The following CDK19 variants were observed in gnomAD, a reference collection of about 807,000 sequenced individuals.
CDK19 encodes cyclin-dependent kinase 19.
CDK19 carries 20 observed loss-of-function variants against 68.3 expected under a neutral mutation model. That is an observed-to-expected ratio of 0.29 (90% confidence interval 0.21 to 0.43). The LOEUF is 0.43. Ranked by LOEUF, CDK19 falls within the 20% of genes least tolerant of loss-of-function variation. CDK19 has a pLI of 1.00. For synonymous variants in CDK19, 221 were observed against 222.8 expected, an observed-to-expected ratio of 0.99 and a Z score of 0.07; for missense variants, 339 against 623.5, an observed-to-expected ratio of 0.54 and a Z score of 4.86.
rs1582767948 is a variant in CDK19 at position 110,646,626 on chromosome 6, G to C, written c.457-7920C>G. 5 of 598,102 alleles carry C rather than the reference G, an allele frequency of 8.4e-6. No homozygotes were observed. In the South Asian group the frequency reaches 1.4e-4, roughly 17 times the overall value. 37.0% of individuals were successfully genotyped at this position (598,102 alleles called of 1,614,324 possible). ...GGGCGGGGAGGGGGGATTCGGAAAA[G>C]ACAAAGTTAGTTTTACTACTCCCTT... On this transcript the variant is annotated intron_variant, in intron 4 of 12. Transcript: ENST00000368911.
chr6:110,691,265 G>A (rs1772960628), intron 2 of CDK19, among the ~76,000 whole-genome samples: 1 of 152,120 alleles, frequency 6.6e-6, no homozygotes, highest in Non-Finnish European at 1.5e-5. Flanking sequence ...GTGAAGTCAG[G>A]AGTTCGAGAC....
chr6:110,684,283 GTCT>G (rs1473119600), intron 2 of CDK19, among the ~76,000 whole-genome samples: 1 of 151,958 alleles, frequency 6.6e-6, no homozygotes, highest in African/African-American at 2.4e-5. Context: ...ACTCTATGTA[GTCT>G]TCTTTATTTA....
chr6:110,792,612 T>TTG (rs1781679088), intron 1 of CDK19, among the ~76,000 whole-genome samples: 1 of 152,122 alleles, frequency 6.6e-6, no homozygotes, highest in South Asian at 2.1e-4. Flanking sequence ...TTTGCCATGT[T>TTG]GCCAGGCTGG....
chr6:110,810,013 G>C (rs900058803), intron 1 of CDK19, among the ~76,000 whole-genome samples: 14 of 152,176 alleles, frequency 9.2e-5, no homozygotes, highest in Non-Finnish European at 1.9e-4. Context: ...TAAGGGAAAA[G>C]GGGGAGGGAA....
At chr6:110,646,915 A>G (rs1582768918) in intron 4 of CDK19, among the ~76,000 whole-genome samples, 1 of 151,854 alleles carries the variant, frequency 6.6e-6, no homozygotes, top group Non-Finnish European at 1.5e-5. Flanking sequence ...GGGCCGCGTG[A>G]CCGCCCGCCT....
intron 4 of CDK19, among the ~76,000 whole-genome samples, chr6:110,660,225 A>G (rs1165739328): frequency 1.3e-5 from 2 of 152,172 alleles, no homozygotes; most frequent in Admixed American, 6.6e-5. Context: ...CATGGGTGCC[A>G]GCAGGGGCAA....
chr6:110,629,814 C>T (rs1423634772), intron 6 of CDK19, among the ~76,000 whole-genome samples: 1 of 152,152 alleles, frequency 6.6e-6, no homozygotes, highest in Non-Finnish European at 1.5e-5. Context: ...TACCTTCTAT[C>T]CAGAATGGAT....
intron 1 of CDK19, among the ~76,000 whole-genome samples, chr6:110,795,621 A>G (rs9481112): frequency 0.013 from 2,050 of 152,350 alleles, 49 homozygotes; most frequent in African/African-American, 0.047. Context: ...AGAGCCTTAA[A>G]CAACTAATAC....
chr6:110,635,547 C>T (rs191080654), intron 5 of CDK19, among the ~76,000 whole-genome samples: 1 of 152,202 alleles, frequency 6.6e-6, no homozygotes, highest in East Asian at 1.9e-4. Flanking sequence ...TCCCCCTCCC[C>T]CACCGCCTCC....
intron 2 of CDK19, among the ~76,000 whole-genome samples, chr6:110,706,158 T>C (rs1281615001): frequency 1.3e-5 from 2 of 151,798 alleles, no homozygotes; most frequent in African/African-American, 4.8e-5. Flanking sequence ...GTTGATGTGA[T>C]TCTTCTGTGT....
intron 2 of CDK19, among the ~76,000 whole-genome samples, chr6:110,742,903 C>T (rs1777785569): frequency 6.6e-6 from 1 of 152,092 alleles, no homozygotes; most frequent in Non-Finnish European, 1.5e-5. Context: ...CCCTTTGAAG[C>T]ATGTGATCTT....
At chr6:110,628,130 G>C (rs1002572789) in intron 6 of CDK19, among the ~76,000 whole-genome samples, 1 of 152,126 alleles carries the variant, frequency 6.6e-6, no homozygotes, top group Non-Finnish European at 1.5e-5. Flanking sequence ...AGAATCTCTT[G>C]AACCCAGGGG....
intron 8 of CDK19, 140 bp from the exon 9 acceptor site, chr6:110,623,502 C>A: frequency 1.8e-6 from 2 of 1,084,814 alleles, no homozygotes; most frequent in Non-Finnish European, 1.3e-6. Flanking sequence ...AACACATTAC[C>A]AAATATTAGC....
intron 1 of CDK19, among the ~76,000 whole-genome samples, chr6:110,785,602 T>C (rs1583097666): frequency 6.6e-6 from 1 of 152,064 alleles, no homozygotes; most frequent in Admixed American, 6.6e-5. Context: ...AGAGGGGAGT[T>C]GGTCTTGCTG....
intron 2 of CDK19, among the ~76,000 whole-genome samples, chr6:110,691,772 T>C (rs916523701): frequency 1.6e-4 from 24 of 151,182 alleles, no homozygotes; most frequent in African/African-American, 5.1e-4. Flanking sequence ...CTCAGCCTCC[T>C]GAGTAGCTGG....
chr6:110,634,938 CT>C (rs1452028170), intron 5 of CDK19, among the ~76,000 whole-genome samples: 2 of 152,220 alleles, frequency 1.3e-5, no homozygotes, highest in African/African-American at 4.8e-5. Flanking sequence ...AAAATACATA[CT>C]TTTAAAAACA....
At chr6:110,646,071 G>A (rs1780550510) in intron 4 of CDK19, 2 of 860,678 alleles carry the variant, frequency 2.3e-6, no homozygotes, top group Admixed American at 2.0e-5. Flanking sequence ...AGGCATGGGC[G>A]ACCTGCTGCA....
intron 4 of CDK19, among the ~76,000 whole-genome samples, chr6:110,664,096 C>T (rs1781776241): frequency 6.6e-6 from 1 of 152,142 alleles, no homozygotes; most frequent in South Asian, 2.1e-4. Flanking sequence ...CTAGTAGGCT[C>T]CAACCCATAT....
intron 2 of CDK19, among the ~76,000 whole-genome samples, chr6:110,703,259 T>C (rs1054232540): frequency 2.6e-5 from 4 of 152,108 alleles, no homozygotes; most frequent in African/African-American, 7.2e-5. Flanking sequence ...AGACCAAGAA[T>C]AGGCAAGCTG....
Sources: gnomAD v4.1 joint callset for allele counts (sites outside exome capture counted in the v4.1 genomes callset) on GRCh38, gnomAD v4.1.1 for gene constraint, MANE v1.5 for transcripts, NCBI Gene and HGNC (gene_info 2026-07-23, HGNC 2026-07-21) for gene names.